The following GRM8 variants were observed in gnomAD, a reference collection of about 807,000 sequenced individuals.
The protein encoded by GRM8 is glutamate metabotropic receptor 8, also known as metabotropic glutamate receptor 8.
A neutral mutation model predicts 87.2 loss-of-function variants in GRM8; 47 were observed. The observed-to-expected ratio is 0.54, with a 90% CI of 0.43 to 0.69. GRM8 has a LOEUF of 0.69. GRM8 is among the 30% of genes least tolerant of loss of function. GRM8 has a pLI of 0.00. For missense variants in GRM8, 1,019 were observed against 1,139.2 expected, an observed-to-expected ratio of 0.89 and a Z score of 1.52; for synonymous variants, 396 against 404.5, an observed-to-expected ratio of 0.98 and a Z score of 0.25.
Position 127,095,279 on chromosome 7 carries a change from C to CCATTCA in GRM8, c.727+11216_727+11217insTGAATG, listed in dbSNP as rs547743162. Reference sequence around the variant, plus strand: ...AGGGTCCATCATGACAAAACCATTCCAAACCCTGGCAACTTGTGGGTTGAT... The same window carrying CCATTCA: ...AGGGTCCATCATGACAAAACCATTCCCATTCAAAACCCTGGCAACTTGTGGGTTGAT... On this transcript the variant is annotated intron_variant, in intron 3 of 10. Transcript: ENST00000339582. Among the ~76,000 whole-genome samples, 677 of 152,280 alleles carry CCATTCA rather than the reference C, an allele frequency of 4.4e-3. 6 individuals are homozygous for CCATTCA. The highest frequency in any genetic ancestry group is 6.7e-3 in the Non-Finnish European group (458 of 68,020).
intron 2 of GRM8, among the ~76,000 whole-genome samples, chr7:127,202,493 A>C (rs1379057441): frequency 1.3e-5 from 2 of 152,162 alleles, no homozygotes; most frequent in Admixed American, 6.5e-5. Context: ...TCAGATTCTT[A>C]ATGCATTCTA....
At chr7:126,811,408 A>G (rs922049783) in intron 6 of GRM8, among the ~76,000 whole-genome samples, 12 of 151,806 alleles carry the variant, frequency 7.9e-5, no homozygotes. Flanking sequence ...ATGAAAAAAG[A>G]CACTGGTATT....
chr7:127,042,860 C>T (rs1166927898), intron 3 of GRM8, among the ~76,000 whole-genome samples: 2 of 152,140 alleles, frequency 1.3e-5, no homozygotes, highest in African/African-American at 2.4e-5. Context: ...TTGCAATCTA[C>T]TCATCTGACA....
intron 3 of GRM8, among the ~76,000 whole-genome samples, chr7:127,071,780 A>G (rs1438222966): frequency 6.6e-6 from 1 of 152,176 alleles, no homozygotes. Context: ...GATCTTTTCT[A>G]TATATACATA....
At chr7:127,091,759 C>T (rs1004739477) in intron 3 of GRM8, among the ~76,000 whole-genome samples, 2 of 136,928 alleles carry the variant, frequency 1.5e-5, no homozygotes, top group Non-Finnish European at 3.2e-5. Flanking sequence ...TCCCGTCCCA[C>T]TGATCATCCC....
chr7:127,211,644 C>A (rs547171370), intron 2 of GRM8, among the ~76,000 whole-genome samples: 1 of 152,204 alleles, frequency 6.6e-6, no homozygotes, highest in Non-Finnish European at 1.5e-5. Context: ...GAGGCCCCAC[C>A]TTCATGGCTG....
At position 127,002,644 on chromosome 7, in the gene GRM8, GC is replaced by G. The variant is rs575915349; in HGVS notation, c.728-97962del. 2.7e-3 allele frequency among the ~76,000 whole-genome samples: 412 copies of G among 151,634 alleles called. 1 individual carries two copies. Among genetic ancestry groups the G allele is most frequent in the Non-Finnish European group, 4.2e-3 (285 of 67,660 alleles). ...TAAGATTTTGTGCATTTTTGTTACT[GC>G]CATTGCCTCCTTGACCAGGACAGTC... On this transcript the variant is annotated intron_variant, in intron 3 of 10. Coordinates refer to ENST00000339582, the MANE Select transcript of GRM8 (RefSeq NM_000845.3).
At chr7:126,491,307 A>G (rs549912376) in intron 9 of GRM8, among the ~76,000 whole-genome samples, 22 of 152,152 alleles carry the variant, frequency 1.4e-4, no homozygotes, top group South Asian at 6.2e-4. Flanking sequence ...TTTTATTTTA[A>G]TGAAACTTAA....
At chr7:127,167,371 G>T (rs1306127657) in intron 2 of GRM8, among the ~76,000 whole-genome samples, 1 of 152,020 alleles carries the variant, frequency 6.6e-6, no homozygotes, top group African/African-American at 2.4e-5. Flanking sequence ...TAATATATAT[G>T]CAAACTTTAA....
At chr7:126,776,189 C>G (rs1397645153) in intron 6 of GRM8, among the ~76,000 whole-genome samples, 3 of 151,970 alleles carry the variant, frequency 2.0e-5, no homozygotes, top group South Asian at 2.1e-4. Flanking sequence ...TCAATTGAAG[C>G]AAGCATAGGT....
At chr7:126,974,120 G>A (rs1460924696) in intron 3 of GRM8, among the ~76,000 whole-genome samples, 1 of 152,096 alleles carries the variant, frequency 6.6e-6, no homozygotes, top group Non-Finnish European at 1.5e-5. Flanking sequence ...TTACTTTTAG[G>A]CTATATGTAT....
intron 7 of GRM8, among the ~76,000 whole-genome samples, chr7:126,711,293 G>C (rs6976797): frequency 0.47 from 72,181 of 152,098 alleles, 18,536 homozygotes; most frequent in African/African-American, 0.67. Flanking sequence ...CAACATTAAA[G>C]TCCTTGTATA....
At chr7:127,085,958 A>C (rs1586956770) in intron 3 of GRM8, among the ~76,000 whole-genome samples, 1 of 152,166 alleles carries the variant, frequency 6.6e-6, no homozygotes, top group Non-Finnish European at 1.5e-5. Flanking sequence ...TAAGTCTTTA[A>C]TCTATCTTGA....
intron 3 of GRM8, among the ~76,000 whole-genome samples, chr7:127,044,698 G>C (rs1161719439): frequency 6.6e-6 from 1 of 152,034 alleles, no homozygotes; most frequent in East Asian, 1.9e-4. Flanking sequence ...GCAGGCTGAG[G>C]GCAATATAAT....
chr7:126,726,856 A>T lies in GRM8; in HGVS notation c.1357+43009T>A, dbSNP rs556329236. On this transcript the variant is annotated intron_variant, in intron 7 of 10. Transcript: ENST00000339582. ...ACAAAACCAAGATAGGCCACCCAAG[A>T]TTTGCTCCAAGAAAAAAAAACCATT... Among the ~76,000 whole-genome samples, 4 of 152,064 alleles carry T rather than the reference A, an allele frequency of 2.6e-5. No individual in the cohort carries two copies. The South Asian group carries it at 8.3e-4, about 32-fold the overall frequency.
At position 127,166,271 on chromosome 7, in the gene GRM8, C is replaced by A. The variant is rs989425296; in HGVS notation, c.511-59559G>T. On this transcript the variant is annotated intron_variant, in intron 2 of 10. Coordinates refer to ENST00000339582, the MANE Select transcript of GRM8 (RefSeq NM_000845.3). Reference sequence around the variant, plus strand: ...CCTCTTTACCTCCTGCTTCTTCTCTCTGGTGATTTTTTTTCCTTCTTCTTT... The same window carrying A: ...CCTCTTTACCTCCTGCTTCTTCTCTATGGTGATTTTTTTTCCTTCTTCTTT... 9.2e-5 allele frequency among the ~76,000 whole-genome samples: 14 copies of A among 152,132 alleles called. No homozygotes were observed. The South Asian group carries it at 1.7e-3, about 18-fold the overall frequency.
intron 3 of GRM8, among the ~76,000 whole-genome samples, chr7:127,027,174 G>T (rs1816870435): frequency 6.6e-6 from 1 of 152,028 alleles, no homozygotes; most frequent in Non-Finnish European, 1.5e-5. Flanking sequence ...TGAGGACTTT[G>T]TTCTGTCCCA....
chr7:126,825,545 T>C (rs557654527), intron 6 of GRM8, among the ~76,000 whole-genome samples: 2 of 152,294 alleles, frequency 1.3e-5, no homozygotes, highest in East Asian at 3.9e-4. Context: ...GTCCAGAGTT[T>C]CCACCATGAA....
intron 3 of GRM8, among the ~76,000 whole-genome samples, chr7:127,088,340 G>T (rs1823714773): frequency 6.6e-6 from 1 of 152,204 alleles, no homozygotes; most frequent in Non-Finnish European, 1.5e-5. Flanking sequence ...AATTCCTTTG[G>T]TTGCCAACAC....
Sources: gnomAD v4.1 joint callset for allele counts (sites outside exome capture counted in the v4.1 genomes callset) on GRCh38, gnomAD v4.1.1 for gene constraint, MANE v1.5 for transcripts, NCBI Gene and HGNC (gene_info 2026-07-23, HGNC 2026-07-21) for gene names.